RTF2: variants seen among roughly 807,000 people sequenced by gnomAD.
The protein encoded by RTF2 is replication termination factor 2, also known as UPF0549 protein C20orf43.
RTF2 carries 18 observed loss-of-function variants against 38.0 expected under a neutral mutation model. The observed-to-expected ratio is 0.47, with a 90% CI of 0.33 to 0.70. RTF2 has a LOEUF of 0.70. Among genes scored for constraint, RTF2 ranks in the 30% least tolerant of loss-of-function variants. The probability of loss-of-function intolerance (pLI) is 0.02; values close to 1 mark genes in which losing one functional copy is unlikely to be tolerated. For synonymous variants in RTF2, 126 were observed against 137.1 expected, an observed-to-expected ratio of 0.92 and a Z score of 0.57; for missense variants, 311 against 379.6, an observed-to-expected ratio of 0.82 and a Z score of 1.50.
intron 5 of RTF2, among the ~76,000 whole-genome samples, chr20:56,490,982 C>T (rs568228411): frequency 8.1e-4 from 124 of 152,332 alleles, no homozygotes; most frequent in African/African-American, 2.9e-3. Context: ...ACAGAAGGTG[C>T]TAGGAGACGA....
chr20:56,495,338 T>C (rs1372588783), intron 5 of RTF2: 2 of 1,427,058 alleles, frequency 1.4e-6, no homozygotes, highest in Admixed American at 4.0e-5. Flanking sequence ...TGGAATCTGC[T>C]TCCCAGTTCT....
intron 5 of RTF2, among the ~76,000 whole-genome samples, chr20:56,502,099 G>A (rs559992134): frequency 2.9e-4 from 44 of 152,286 alleles, no homozygotes; most frequent in Non-Finnish European, 5.0e-4. Context: ...CCATTCAGTT[G>A]ACTGAAGCCA....
Position 56,478,334 on chromosome 20 carries a change from AT to A in RTF2, c.398+1219del, listed in dbSNP as rs548841864. 3.2e-4 allele frequency among the ~76,000 whole-genome samples: 49 copies of A among 151,744 alleles called. 1 individual carries two copies. The South Asian group carries it at 0.01, about 32-fold the overall frequency. ...TGAGACCCTGTCTTTACGAAACAAA[AT>A]TTTTTTTTAATTAGCCAGCCATGGT... On this transcript the variant is annotated intron_variant, in intron 4 of 8. Coordinates refer to ENST00000357348, the MANE Select transcript of RTF2 (RefSeq NM_016407.5).
chr20:56,470,018 T>C (rs1328493750), intron 1 of RTF2, among the ~76,000 whole-genome samples: 1 of 152,216 alleles, frequency 6.6e-6, no homozygotes, highest in Non-Finnish European at 1.5e-5. Flanking sequence ...CTGTGTTGTT[T>C]ATTGTCTCTT....
intron 8 of RTF2, 119 bp downstream of exon 8, chr20:56,517,320 C>A: frequency 1.3e-6 from 1 of 746,356 alleles, no homozygotes; most frequent in African/African-American, 1.8e-5. Context: ...TGTCATGTCT[C>A]TAGAGAGTGC....
At chr20:56,482,918 A>G (rs184052594) in intron 4 of RTF2, among the ~76,000 whole-genome samples, 1 of 152,344 alleles carries the variant, frequency 6.6e-6, no homozygotes, top group East Asian at 1.9e-4. Flanking sequence ...GCCTCTGCAT[A>G]TAGACGTAGA....
rs149033136 is a variant in RTF2, at chr20:56,502,034, A to C, written c.478-11281A>C. On this transcript the variant is annotated intron_variant, in intron 5 of 8. Coordinates refer to ENST00000357348, the MANE Select transcript of RTF2 (RefSeq NM_016407.5). The stretch of plus-strand genomic sequence containing the variant: ...AAAGGTAGCATTGTTAAATATGTAT[A>C]TAGTGTACAGTGGAACAAAACAGCT... 3.3e-5 allele frequency among the ~76,000 whole-genome samples: 5 copies of C among 152,336 alleles called. No individual in the cohort carries two copies. In the East Asian group the frequency reaches 9.6e-4, roughly 29 times the overall value.
intron 5 of RTF2, among the ~76,000 whole-genome samples, chr20:56,499,456 CAGGCGTG>C (rs1983782057): frequency 6.6e-6 from 1 of 151,918 alleles, no homozygotes; most frequent in African/African-American, 2.4e-5. Flanking sequence ...GCTGGGATTA[CAGGCGTG>C]AGCCACCACG....
intron 5 of RTF2, among the ~76,000 whole-genome samples, chr20:56,502,475 G>C (rs143101555): frequency 6.6e-6 from 1 of 152,162 alleles, no homozygotes; most frequent in South Asian, 2.1e-4. Flanking sequence ...AGAACAGTTC[G>C]TTGAAGGATA....
intron 4 of RTF2, among the ~76,000 whole-genome samples, chr20:56,479,927 G>C (rs1052398290): frequency 6.7e-6 from 1 of 150,226 alleles, no homozygotes; most frequent in East Asian, 1.9e-4. Flanking sequence ...CTTCCATTTC[G>C]AGAGTACAGG....
At chr20:56,491,871 G>C (rs1983170681) in intron 5 of RTF2, 1 of 926,614 alleles carries the variant, frequency 1.1e-6, no homozygotes, top group Non-Finnish European at 1.7e-6. Context: ...TCCGTCCGGT[G>C]TCAGTGGTGA....
At chr20:56,479,868 A>AT (rs1260726270) in intron 4 of RTF2, among the ~76,000 whole-genome samples, 1 of 146,678 alleles carries the variant, frequency 6.8e-6, no homozygotes, top group Non-Finnish European at 1.5e-5. Flanking sequence ...GGCTTAAAAT[A>AT]TTCCGTAAGC....
chr20:56,495,603 G>C (rs928494785), intron 5 of RTF2, among the ~76,000 whole-genome samples: 2 of 152,156 alleles, frequency 1.3e-5, no homozygotes, highest in African/African-American at 2.4e-5. Context: ...CTCCCTTGCT[G>C]TATGCAGAGT....
At chr20:56,470,700 G>A (rs1555808520) in intron 1 of RTF2, 2 of 455,706 alleles carry the variant, frequency 4.4e-6, no homozygotes, top group Non-Finnish European at 8.8e-6. Flanking sequence ...CCATCCTTCA[G>A]GGAGGAGAAG....
chr20:56,469,535 G>A (rs1981852194), intron 1 of RTF2, among the ~76,000 whole-genome samples: 1 of 152,222 alleles, frequency 6.6e-6, no homozygotes, highest in Non-Finnish European at 1.5e-5. Context: ...GGATTTCAAA[G>A]TTAGCACAAG....
chr20:56,491,855 G>A (rs367650647), intron 5 of RTF2: 104 of 1,133,126 alleles, frequency 9.2e-5, no homozygotes, highest in Admixed American at 3.0e-4. Context: ...AGAAAGTGGC[G>A]CATGCTCCGT....
intron 4 of RTF2, among the ~76,000 whole-genome samples, chr20:56,479,880 A>G (rs1035764975): frequency 6.8e-6 from 1 of 146,406 alleles, no homozygotes; most frequent in East Asian, 2.0e-4. Context: ...TCCGTAAGCC[A>G]TGTTATAGAC....
At position 56,518,388 on chromosome 20, in the gene RTF2, TG is replaced by T; in HGVS notation, c.*125del. ...ATAGTTCTGTGTCATAAAGCTGTCC[TG>T]GCCAGCCTTCAAGCTGGTGTGGCCA... On this transcript the variant is annotated 3_prime_UTR_variant, in exon 9 of 9. Transcript: ENST00000357348. The T allele has an allele frequency of 9.8e-7, 1 of 1,021,366 alleles. No homozygotes were observed. The highest frequency in any genetic ancestry group is 1.4e-6 in the Non-Finnish European group (1 of 715,072). 63.3% of individuals were successfully genotyped at this position (1,021,366 alleles called of 1,614,324 possible).
At chr20:56,497,018 T>C (rs963354568) in intron 5 of RTF2, 7 of 1,551,826 alleles carry the variant, frequency 4.5e-6, no homozygotes, top group South Asian at 2.4e-5. Context: ...CATAGTTCCA[T>C]TGAAATTTAG....
Sources: gnomAD v4.1 joint callset for allele counts (sites outside exome capture counted in the v4.1 genomes callset) on GRCh38, gnomAD v4.1.1 for gene constraint, MANE v1.5 for transcripts, NCBI Gene and HGNC (gene_info 2026-07-23, HGNC 2026-07-21) for gene names.